The following NCKAP1 variants were observed in gnomAD, a reference collection of about 807,000 sequenced individuals.
The protein encoded by NCKAP1 is NCK associated protein 1.
A neutral mutation model predicts 151.2 loss-of-function variants in NCKAP1; 21 were observed. The ratio of observed to expected loss-of-function variants is 0.14; its 90% confidence interval spans 0.10 to 0.20. The LOEUF (loss-of-function observed/expected upper bound fraction) is 0.20, where lower values mean the gene tolerates loss of function less well. Among genes scored for constraint, NCKAP1 ranks in the 10% least tolerant of loss-of-function variants. NCKAP1 has a pLI of 1.00. For missense variants in NCKAP1, 933 were observed against 1,352.1 expected (o/e 0.69, Z 4.86); for synonymous variants, 484 against 451.8 (o/e 1.07, Z -0.90).
chr2:182,975,481 C>G (rs929751879), intron 15 of NCKAP1, among the ~76,000 whole-genome samples: 2 of 152,012 alleles, frequency 1.3e-5, no homozygotes, highest in African/African-American at 2.4e-5. Flanking sequence ...CTAAGCAGAC[C>G]GCCAGAAAAG....
rs1399014178 is a variant in NCKAP1, at chr2:183,003,282, T to C, written c.263A>G (p.Lys88Arg). 2 of 1,599,594 alleles carry C rather than the reference T, an allele frequency of 1.3e-6. No homozygotes were observed. The highest frequency in any genetic ancestry group is 4.5e-5 in the East Asian group (2 of 44,500). The change falls in exon 3 of 31, where the codon AAA becomes AGA. Residue 88 changes from lysine (K) to arginine (R), a missense_variant. Lys to Arg is a conservative substitution (Grantham distance 26). This residue lies in a region of NCKAP1 where 607 missense variants were observed against 795.0 expected (regional missense o/e 0.76). Coordinates refer to ENST00000361354, the MANE Select transcript of NCKAP1 (RefSeq NM_013436.5). ...QLQKEKSEILKNLALYYFTFV... is the reference protein window; with the variant it reads ...QLQKEKSEILRNLALYYFTFV... ...TGTGAAGTAATATAATGCCAGATTT[T>C]TCAGAATCTCTGATTTTTCTTTCTG... is the stretch of plus-strand genomic sequence containing the variant.
At position 182,910,972 on chromosome 2, in the gene NCKAP1, CAGA is replaced by C. The variant is rs1696380352; in HGVS notation, c.*14727_*14729del. On this transcript the variant is annotated 3_prime_UTR_variant, in exon 31 of 31. Transcript: ENST00000361354. ...AGCTCCCCCCCCACATTTGACTAAA[CAGA>C]CCCTCTCCTGGCCAAGAGGACTTCA... is the stretch of plus-strand genomic sequence containing the variant. 2 of 134,060 alleles carry C rather than the reference CAGA, an allele frequency of 1.5e-5. No individual in the cohort carries two copies. Among genetic ancestry groups the C allele is most frequent in the Non-Finnish European group, 3.1e-5 (2 of 63,760 alleles). The allele number at this position is 134,060 out of a possible 1,614,324, so 8.3% of individuals were successfully genotyped here.
At chr2:182,931,803 TA>T (rs1197881092) in intron 26 of NCKAP1, among the ~76,000 whole-genome samples, 8 of 152,110 alleles carry the variant, frequency 5.3e-5, no homozygotes, top group Non-Finnish European at 1.5e-5. Flanking sequence ...CAACCCAATT[TA>T]AAATGTCAAA....
chr2:182,936,497 T>A (rs954731682), intron 24 of NCKAP1, among the ~76,000 whole-genome samples: 1 of 152,174 alleles, frequency 6.6e-6, no homozygotes, highest in Admixed American at 6.5e-5. Flanking sequence ...AAAAGATATA[T>A]ATACAGACCT....
At chr2:182,974,714 G>A (rs1054798445) in intron 15 of NCKAP1, among the ~76,000 whole-genome samples, 1 of 151,948 alleles carries the variant, frequency 6.6e-6, no homozygotes, top group Non-Finnish European at 1.5e-5. Context: ...CTTTCAGACT[G>A]CCAGCCTTCA....
Position 183,038,358 on chromosome 2 carries a change from C to A in NCKAP1, c.-259G>T, listed in dbSNP as rs1699150509. 6.6e-6 allele frequency: 2 copies of A among 301,664 alleles called. No individual in the cohort carries two copies. Among genetic ancestry groups the A allele is most frequent in the Non-Finnish European group, 1.2e-5 (2 of 165,844 alleles). 18.7% of individuals were successfully genotyped at this position (301,664 alleles called of 1,614,324 possible). On this transcript the variant is annotated 5_prime_UTR_variant, in exon 1 of 31. Transcript: ENST00000361354. ...CGCCCGCCGCCCTTCCGCCCCCACC[C>A]CCGGCGCTCTCCGCCCCAGCCCCCA...
chr2:182,916,029 C>A lies in NCKAP1; in HGVS notation c.*9673G>T, dbSNP rs1242110491. The stretch of plus-strand genomic sequence containing the variant: ...AGTGATTTGTCTCATTGGGAGAAAT[C>A]TTAGAAACCATGTCTTCGGGGCAGT... On this transcript the variant is annotated 3_prime_UTR_variant, in exon 31 of 31. Coordinates refer to ENST00000361354, the MANE Select transcript of NCKAP1 (RefSeq NM_013436.5). 1 of 151,996 alleles carries A rather than the reference C, an allele frequency of 6.6e-6. No homozygotes were observed. Among genetic ancestry groups the A allele is most frequent in the African/African-American group, 2.4e-5 (1 of 41,372 alleles). The allele number at this position is 151,996 out of a possible 1,614,324, so 9.4% of individuals were successfully genotyped here.
chr2:183,009,378 AGGAGGAAAGAGGGAGGGGG>A (rs1698542564), intron 2 of NCKAP1, among the ~76,000 whole-genome samples: 1 of 97,212 alleles, frequency 1.0e-5, no homozygotes, highest in Non-Finnish European at 2.0e-5. Context: ...AAGGGAGGGG[AGGAGGAAAGAGGGAGGGGG>A]AGGGGGAGAC....
chr2:182,992,405 C>G (rs1172207264), intron 8 of NCKAP1, among the ~76,000 whole-genome samples: 1 of 152,182 alleles, frequency 6.6e-6, no homozygotes, highest in Admixed American at 6.6e-5. Flanking sequence ...GATCGACTTA[C>G]CGGCTCATTA....
chr2:182,930,510 G>A (rs757694750), intron 27 of NCKAP1, among the ~76,000 whole-genome samples, 185 bp downstream of exon 27: 13 of 151,970 alleles, frequency 8.6e-5, no homozygotes, highest in Admixed American at 2.0e-4. Flanking sequence ...CCAATCTTAA[G>A]TTCCAGAAGG....
At chr2:183,017,516 C>G (rs764777073) in intron 2 of NCKAP1, among the ~76,000 whole-genome samples, 13 of 152,074 alleles carry the variant, frequency 8.5e-5, no homozygotes, top group Non-Finnish European at 1.6e-4. Flanking sequence ...GCTAATATGA[C>G]AGGAGAAAGA....
chr2:182,926,927 A>G lies in NCKAP1; in HGVS notation c.3181-22T>C, dbSNP rs374661598. The G allele has an allele frequency of 5.6e-5, 84 of 1,495,200 alleles. No homozygotes were observed. In the South Asian group the frequency reaches 7.5e-4, roughly 13 times the overall value. The allele number at this position is 1,495,200 out of a possible 1,614,324, so 92.6% of individuals were successfully genotyped here. On this transcript the variant is annotated intron_variant, in intron 29 of 30. Transcript: ENST00000361354. ...CAAGCTTAAAAGTATACATACACAT[A>G]AAGTGAGTTTGTTAATAAAAGGTTC...
At chr2:183,002,896 A>T in intron 4 of NCKAP1, 78 bp downstream of exon 4, 1 of 1,001,348 alleles carries the variant, frequency 1.0e-6, no homozygotes. Flanking sequence ...TACATAATCT[A>T]GCTAAAGAAA....
Position 182,918,524 on chromosome 2 carries a change from C to A in NCKAP1, c.*7178G>T, listed in dbSNP as rs1475730728. 6.6e-6 allele frequency: 1 copy of A among 152,158 alleles called. No individual in the cohort carries two copies. Among genetic ancestry groups the A allele is most frequent in the African/African-American group, 2.4e-5 (1 of 41,452 alleles). 9.4% of individuals were successfully genotyped at this position (152,158 alleles called of 1,614,324 possible). On this transcript the variant is annotated 3_prime_UTR_variant, in exon 31 of 31. Coordinates refer to ENST00000361354, the MANE Select transcript of NCKAP1 (RefSeq NM_013436.5). Reference sequence around the variant, plus strand: ...TCAGCCATAAAAAAAGAAACAATGTCTTTTTGCAGCAACTATGATGGAGCC... The same window carrying A: ...TCAGCCATAAAAAAAGAAACAATGTATTTTTGCAGCAACTATGATGGAGCC...
intron 1 of NCKAP1, among the ~76,000 whole-genome samples, chr2:183,032,402 T>C (rs1173528787): frequency 6.6e-6 from 1 of 152,198 alleles, no homozygotes; most frequent in Non-Finnish European, 1.5e-5. Context: ...GATTTCATCA[T>C]TGTGTGAACA....
At chr2:182,953,859 A>G (rs1262669291) in intron 20 of NCKAP1, among the ~76,000 whole-genome samples, 1 of 152,182 alleles carries the variant, frequency 6.6e-6, no homozygotes, top group East Asian at 1.9e-4. Context: ...GATTAAAAAC[A>G]TTCTAAGTAT....
chr2:182,965,067 C>T (rs1697537650), intron 16 of NCKAP1, among the ~76,000 whole-genome samples: 3 of 151,788 alleles, frequency 2.0e-5, no homozygotes, highest in Non-Finnish European at 4.4e-5. Flanking sequence ...CAAATTTCAT[C>T]AAAGCTAAGT....
In NCKAP1 at chr2:182,962,402, T is replaced by C. The variant is rs1480904611; in HGVS notation, c.1762-124A>G. 4.5e-6 allele frequency: 4 copies of C among 885,700 alleles called. No individual in the cohort carries two copies. In the African/African-American group the frequency reaches 5.1e-5, roughly 11 times the overall value. 54.9% of individuals were successfully genotyped at this position (885,700 alleles called of 1,614,324 possible). A position where few individuals can be genotyped will look rare whatever the true frequency, so the allele number is the denominator to read the frequency against. On this transcript the variant is annotated intron_variant, in intron 17 of 30. Transcript: ENST00000361354. ...ATTCCGCAATAGTGAGGGTGGGAGATGTTAAAAATTGCTTTTGCCTCTTGT... is the reference window on the plus strand; with the variant it reads ...ATTCCGCAATAGTGAGGGTGGGAGACGTTAAAAATTGCTTTTGCCTCTTGT...
intron 6 of NCKAP1, among the ~76,000 whole-genome samples, 159 bp downstream of exon 6, chr2:183,001,790 CATTA>C (rs1490623566): frequency 6.6e-6 from 1 of 152,098 alleles, no homozygotes; most frequent in African/African-American, 2.4e-5. Context: ...TTCTGAATCT[CATTA>C]ATTAGTTCCC....
Sources: gnomAD v4.1 joint callset for allele counts (sites outside exome capture counted in the v4.1 genomes callset) on GRCh38, gnomAD v4.1.1 for gene constraint, gnomAD v4.1.1 regional missense constraint, MANE v1.5 for transcripts, NCBI Gene and HGNC (gene_info 2026-07-23, HGNC 2026-07-21) for gene names.